RBFOX1: variants seen among roughly 807,000 people sequenced by gnomAD.
The protein encoded by RBFOX1 is RNA binding protein fox-1 homolog 1.
In RBFOX1, 8 loss-of-function variants were observed where a neutral mutation model predicts 57.7. The ratio of observed to expected loss-of-function variants is 0.14; its 90% CI spans 0.08 to 0.25. The LOEUF (loss-of-function observed/expected upper bound fraction) is 0.25. Ranked by LOEUF, RBFOX1 falls within the 10% of genes least tolerant of loss-of-function variation. The probability of loss-of-function intolerance (pLI) is 1.00; values close to 1 mark genes in which losing one functional copy is unlikely to be tolerated. For synonymous variants in RBFOX1, 326 were observed against 222.4 expected (o/e 1.47, Z -4.15); for missense variants, 611 against 548.5 (o/e 1.11, Z -1.14).
At chr16:6,252,053 G>A (rs921327179) in intron 1 of RBFOX1, among the ~76,000 whole-genome samples, 2 of 152,112 alleles carry the variant, frequency 1.3e-5, no homozygotes, top group African/African-American at 4.8e-5. Context: ...CTTGCTTGAT[G>A]GAGGTTCGTG....
chr16:6,396,935 A>G (rs1219358044), intron 2 of RBFOX1, among the ~76,000 whole-genome samples: 1 of 152,236 alleles, frequency 6.6e-6, no homozygotes, highest in African/African-American at 2.4e-5. Flanking sequence ...CAGTTTTACT[A>G]TATGGGCTAA....
At chr16:7,144,785 A>G (rs2074592495) in intron 4 of RBFOX1, among the ~76,000 whole-genome samples, 1 of 152,138 alleles carries the variant, frequency 6.6e-6, no homozygotes, top group Non-Finnish European at 1.5e-5. Flanking sequence ...AGAGCCCTAA[A>G]TCAATAGCAA....
chr16:6,909,463 T>G (rs2070983535), intron 3 of RBFOX1, among the ~76,000 whole-genome samples: 1 of 152,226 alleles, frequency 6.6e-6, no homozygotes, highest in Non-Finnish European at 1.5e-5. Flanking sequence ...TTTCAGAGAT[T>G]ACGATGCAGG....
At chr16:7,484,544 C>G (rs757759712) in intron 4 of RBFOX1, among the ~76,000 whole-genome samples, 11 of 152,206 alleles carry the variant, frequency 7.2e-5, no homozygotes, top group Non-Finnish European at 1.5e-4. Flanking sequence ...CTCACTGCAA[C>G]TTTTGCCTCC....
At chr16:6,608,229 A>G (rs2097975408) in intron 2 of RBFOX1, among the ~76,000 whole-genome samples, 1 of 152,128 alleles carries the variant, frequency 6.6e-6, no homozygotes, top group South Asian at 2.1e-4. Flanking sequence ...CTAAGGCAGC[A>G]TTGGTTTGTG....
intron 1 of RBFOX1, among the ~76,000 whole-genome samples, chr16:6,134,485 A>T (rs2152684918): frequency 6.6e-6 from 1 of 152,280 alleles, no homozygotes; most frequent in South Asian, 2.1e-4. Flanking sequence ...CCAGGGATGC[A>T]TAGTAAATCT....
intron 3 of RBFOX1, among the ~76,000 whole-genome samples, chr16:6,956,290 G>C (rs559664747): frequency 2.0e-5 from 3 of 152,266 alleles, no homozygotes; most frequent in Non-Finnish European, 4.4e-5. Context: ...AGTTTTTAGA[G>C]AGTCTTGCTA....
chr16:6,272,034 C>T (rs74005065), intron 1 of RBFOX1, among the ~76,000 whole-genome samples: 4,010 of 152,194 alleles, frequency 0.026, 150 homozygotes, highest in African/African-American at 0.083. Flanking sequence ...TCTTGATCAC[C>T]ATTGACTGTA....
In RBFOX1 at chr16:6,139,346, G is replaced by A. The variant is rs553920398; in HGVS notation, c.-127+119354G>A. Reference sequence around the variant, plus strand: ...TCTGCATCACACAGACCAAGGTGAGGTCCCAACTCTGCTGCTTTCTGGCTG... The same window carrying A: ...TCTGCATCACACAGACCAAGGTGAGATCCCAACTCTGCTGCTTTCTGGCTG... On this transcript the variant is annotated intron_variant, in intron 1 of 15. Coordinates refer to ENST00000550418, the MANE Select transcript of RBFOX1 (RefSeq NM_018723.4). Among the ~76,000 whole-genome samples, 6 of 152,136 alleles carry A rather than the reference G, an allele frequency of 3.9e-5. No individual in the cohort carries two copies. The South Asian group carries it at 8.3e-4, about 21-fold the overall frequency.
intron 4 of RBFOX1, among the ~76,000 whole-genome samples, chr16:7,173,458 G>C (rs886832587): frequency 6.6e-6 from 1 of 152,072 alleles, no homozygotes; most frequent in Non-Finnish European, 1.5e-5. Flanking sequence ...CACTGGTTTC[G>C]AATGTTTTGT....
chr16:6,317,785 A>G (rs2081294455), intron 2 of RBFOX1, among the ~76,000 whole-genome samples: 1 of 152,144 alleles, frequency 6.6e-6, no homozygotes. Flanking sequence ...CCTCTGCAAT[A>G]GTTTTATGGG....
intron 2 of RBFOX1, among the ~76,000 whole-genome samples, chr16:6,553,480 A>G (rs2097030491): frequency 6.6e-6 from 1 of 152,166 alleles, no homozygotes. Context: ...CTTGGTGGAA[A>G]TTGATGCCAC....
Position 6,082,043 on chromosome 16 carries a change from C to A in RBFOX1, c.-127+62051C>A, listed in dbSNP as rs117453076. ...AATATGAGCTTCAACTGTTTTCAAC[C>A]GTATGGCTCTGAGCCTTGGTGTCTG... On this transcript the variant is annotated intron_variant, in intron 1 of 15. Transcript: ENST00000550418. 2.8e-3 allele frequency among the ~76,000 whole-genome samples: 420 copies of A among 152,226 alleles called. 4 individuals are homozygous for A. The highest frequency in any genetic ancestry group is 0.021 in the South Asian group (101 of 4,822).
chr16:6,645,010 C>T (rs1182360903), intron 2 of RBFOX1, among the ~76,000 whole-genome samples: 3 of 152,154 alleles, frequency 2.0e-5, no homozygotes, highest in African/African-American at 4.8e-5. Flanking sequence ...GGAGGCTCTA[C>T]GTCCAAGTTG....
chr16:6,829,849 G>C (rs1425206810), intron 3 of RBFOX1, among the ~76,000 whole-genome samples: 8 of 152,100 alleles, frequency 5.3e-5, no homozygotes, highest in Admixed American at 4.6e-4. Context: ...AGATCTGCCT[G>C]CCTTGGCCTC....
At chr16:7,705,073 G>T (rs1029914998) in intron 14 of RBFOX1, among the ~76,000 whole-genome samples, 1 of 149,732 alleles carries the variant, frequency 6.7e-6, no homozygotes, top group African/African-American at 2.5e-5. Flanking sequence ...AAGGCAGAGA[G>T]CCAGAGAAAG....
At chr16:6,574,398 A>G (rs1163151543) in intron 2 of RBFOX1, among the ~76,000 whole-genome samples, 1 of 147,028 alleles carries the variant, frequency 6.8e-6, no homozygotes, top group Non-Finnish European at 1.5e-5. Flanking sequence ...AACTCGGTGT[A>G]GCAAGGGTTT....
intron 4 of RBFOX1, among the ~76,000 whole-genome samples, chr16:7,256,160 G>T (rs1234276949): frequency 6.6e-6 from 1 of 152,178 alleles, no homozygotes; most frequent in Non-Finnish European, 1.5e-5. Flanking sequence ...GTAAATCCGT[G>T]ACCTATTTTC....
At chr16:6,530,964 C>T (rs2096649702) in intron 2 of RBFOX1, among the ~76,000 whole-genome samples, 1 of 152,160 alleles carries the variant, frequency 6.6e-6, no homozygotes, top group Non-Finnish European at 1.5e-5. Flanking sequence ...AGAAAAACCC[C>T]AATCACCTCC....
Sources: gnomAD v4.1 joint callset for allele counts (sites outside exome capture counted in the v4.1 genomes callset) on GRCh38, gnomAD v4.1.1 for gene constraint, MANE v1.5 for transcripts, NCBI Gene and HGNC (gene_info 2026-07-23, HGNC 2026-07-21) for gene names.